NEO1: variants seen among roughly 807,000 people sequenced by gnomAD.
The protein encoded by NEO1 is neogenin 1, also known as neogenin.
A neutral mutation model predicts 159.7 loss-of-function variants in NEO1; 63 were observed. The observed-to-expected ratio is 0.39, with a 90% confidence interval of 0.32 to 0.49. NEO1 has a LOEUF of 0.49. NEO1 is among the 20% of genes least tolerant of loss of function. NEO1 has a pLI of 0.85. For synonymous variants in NEO1, 633 were observed against 662.0 expected (o/e 0.96, Z 0.67); for missense variants, 1,615 against 1,831.0 (o/e 0.88, Z 2.15).
At chr15:73,241,831 T>A (rs1410777448) in intron 8 of NEO1, among the ~76,000 whole-genome samples, 1 of 152,084 alleles carries the variant, frequency 6.6e-6, no homozygotes, top group East Asian at 1.9e-4. Flanking sequence ...CTATGACTGA[T>A]TTTTTTTAAT....
At chr15:73,052,425 C>CG (rs1555416846), upstream of NEO1, 1 of 99,442 alleles carries the variant, frequency 1.0e-5, no homozygotes. Context: ...CCCCCCCCCC[C>CG]GCCCCGGAAT....
At chr15:73,130,307 C>T (rs1433692046) in intron 4 of NEO1, among the ~76,000 whole-genome samples, 2 of 119,126 alleles carry the variant, frequency 1.7e-5, no homozygotes, top group African/African-American at 5.2e-5. Context: ...CTCAGTTTCC[C>T]GCCCCCCCCG....
intron 13 of NEO1, among the ~76,000 whole-genome samples, chr15:73,257,242 C>G (rs1411732640): frequency 7.4e-6 from 1 of 135,672 alleles, no homozygotes; most frequent in Non-Finnish European, 1.5e-5. Context: ...TTATTATATA[C>G]TAGGCATCAT....
At chr15:73,294,281 C>T (rs2042270786) in intron 26 of NEO1, among the ~76,000 whole-genome samples, 1 of 152,174 alleles carries the variant, frequency 6.6e-6, no homozygotes, top group African/African-American at 2.4e-5. Flanking sequence ...AAATATTCTT[C>T]ATTAATTGAA....
At chr15:73,089,338 A>C (rs1209350642) in intron 1 of NEO1, among the ~76,000 whole-genome samples, 5 of 152,142 alleles carry the variant, frequency 3.3e-5, no homozygotes, top group Non-Finnish European at 5.9e-5. Context: ...AAAGTATTCT[A>C]ATAATTGTTT....
intron 1 of NEO1, among the ~76,000 whole-genome samples, chr15:73,103,417 C>T (rs140706537): frequency 6.6e-6 from 1 of 152,296 alleles, no homozygotes; most frequent in East Asian, 1.9e-4. Flanking sequence ...GGCCTTTGTA[C>T]CTACTGTTCC....
chr15:73,053,275 G>C (rs1368572062), intron 1 of NEO1, among the ~76,000 whole-genome samples: 5 of 152,138 alleles, frequency 3.3e-5, no homozygotes, highest in Non-Finnish European at 7.3e-5. Context: ...CCGAAGTCTC[G>C]AGGAAGAGCT....
chr15:73,284,121 A>G lies in NEO1; in HGVS notation c.3410+1010A>G, dbSNP rs565178628. Among the ~76,000 whole-genome samples the G allele has an allele frequency of 1.6e-3, 248 of 152,064 alleles. 1 individual carries two copies. The highest frequency in any genetic ancestry group is 2.9e-3 in the Non-Finnish European group (199 of 68,010). ...TACACTTGAAAGAATCCTTGATCCTAAATTACATTCAACTCAGATATCTGG... is the reference window on the plus strand; with the variant it reads ...TACACTTGAAAGAATCCTTGATCCTGAATTACATTCAACTCAGATATCTGG... On this transcript the variant is annotated intron_variant, in intron 23 of 28. Coordinates refer to ENST00000261908, the MANE Select transcript of NEO1 (RefSeq NM_002499.4).
rs1183845548 is a variant in NEO1, at chr15:73,304,904, C to T, written c.*2208C>T. ...AAAAGGAAAGCTATTCTGTATTGCA[C>T]CTTTTCACAATTTAATACATTTTCT... is the stretch of plus-strand genomic sequence containing the variant. On this transcript the variant is annotated 3_prime_UTR_variant, in exon 29 of 29. Transcript: ENST00000261908. 1 of 152,104 alleles carries T rather than the reference C, an allele frequency of 6.6e-6. No individual in the cohort carries two copies. Among genetic ancestry groups the T allele is most frequent in the Non-Finnish European group, 1.5e-5 (1 of 68,026 alleles). 9.4% of individuals were successfully genotyped at this position (152,104 alleles called of 1,614,324 possible). A position where few individuals can be genotyped will look rare whatever the true frequency, so the allele number is the denominator to read the frequency against.
Position 73,165,013 on chromosome 15 carries a change from C to T in NEO1, c.1016-11390C>T, listed in dbSNP as rs148165859. On this transcript the variant is annotated intron_variant, in intron 5 of 28. Coordinates refer to ENST00000261908, the MANE Select transcript of NEO1 (RefSeq NM_002499.4). ...GTGTAATCATAACTCACAGCAGCTT[C>T]GAACTCCTGGGCTCAAGCAGTCTCC... Among the ~76,000 whole-genome samples the T allele has an allele frequency of 1.5e-3, 223 of 151,824 alleles. 3 individuals are homozygous for T. The highest frequency in any genetic ancestry group is 0.014 in the Middle Eastern group (4 of 284).
intron 25 of NEO1, among the ~76,000 whole-genome samples, chr15:73,290,481 A>G (rs533970669): frequency 1.2e-4 from 18 of 150,730 alleles, no homozygotes; most frequent in African/African-American, 4.2e-4. Context: ...GATCCACCCA[A>G]CTCGGCCTCC....
intron 1 of NEO1, among the ~76,000 whole-genome samples, chr15:73,105,110 T>C (rs535999723): frequency 2.0e-5 from 3 of 152,354 alleles, no homozygotes; most frequent in African/African-American, 4.8e-5. Context: ...AAAAATCTTA[T>C]CTACTCAGTA....
chr15:73,079,917 G>A (rs1360383213), intron 1 of NEO1, among the ~76,000 whole-genome samples: 1 of 152,170 alleles, frequency 6.6e-6, no homozygotes, highest in Non-Finnish European at 1.5e-5. Flanking sequence ...AGGGACCTTG[G>A]TCAATAGAAT....
At chr15:73,092,062 C>T (rs547133627) in intron 1 of NEO1, among the ~76,000 whole-genome samples, 1 of 152,200 alleles carries the variant, frequency 6.6e-6, no homozygotes, top group African/African-American at 2.4e-5. Context: ...GGGTAATCTC[C>T]AAATCTTTTG....
rs1454229974 is a variant in NEO1, at chr15:73,263,164, A to ATGCTAAT, written c.2398+2700_2398+2701insGCTAATT. Among the ~76,000 whole-genome samples, 4 of 148,820 alleles carry ATGCTAAT rather than the reference A, an allele frequency of 2.7e-5. No homozygotes were observed. In the East Asian group the frequency reaches 7.8e-4, roughly 29 times the overall value. On this transcript the variant is annotated intron_variant, in intron 15 of 28. Coordinates refer to ENST00000261908, the MANE Select transcript of NEO1 (RefSeq NM_002499.4). ...TACAGTTAAATGGATACATTTTATT[A>ATGCTAAT]TATGCTAATTATACCTCATAGTTGA...
At chr15:73,204,058 T>C in intron 7 of NEO1, among the ~76,000 whole-genome samples, 1 of 151,934 alleles carries the variant, frequency 6.6e-6, no homozygotes, top group East Asian at 1.9e-4. Flanking sequence ...TCTGAGAAAG[T>C]TTTTATTTCT....
chr15:73,062,795 TC>T (rs1205947563), intron 1 of NEO1, among the ~76,000 whole-genome samples: 1 of 152,208 alleles, frequency 6.6e-6, no homozygotes, highest in Non-Finnish European at 1.5e-5. Flanking sequence ...GGATATTGGT[TC>T]CATTTTGGAC....
At chr15:73,147,106 T>C (rs2151814050) in intron 5 of NEO1, among the ~76,000 whole-genome samples, 1 of 152,312 alleles carries the variant, frequency 6.6e-6, no homozygotes, top group African/African-American at 2.4e-5. Context: ...GGCAAATTAA[T>C]TTATTTACTT....
intron 1 of NEO1, among the ~76,000 whole-genome samples, chr15:73,061,810 T>A (rs915796331): frequency 5.9e-5 from 9 of 152,228 alleles, no homozygotes; most frequent in African/African-American, 2.2e-4. Context: ...TGGATTTTGC[T>A]GTGCACACTG....
Sources: allele counts gnomAD v4.1 joint callset (sites outside exome capture counted in the v4.1 genomes callset), GRCh38; gene constraint gnomAD v4.1.1; transcripts MANE v1.5; gene names NCBI Gene and HGNC (gene_info 2026-07-23, HGNC 2026-07-21).